Variants in SNX30 observed in about 807,000 individuals in gnomAD.
SNX30 encodes the protein sorting nexin family member 30, also known as sorting nexin-30.
Under a neutral mutation model 46.4 loss-of-function variants are expected in SNX30, and 24 were observed. The observed-to-expected ratio is 0.52, with a 90% CI of 0.37 to 0.73. The LOEUF is 0.73. SNX30 is among the 30% of genes least tolerant of loss of function. The pLI, the probability that SNX30 is intolerant of heterozygous loss-of-function variation, is 0.00. For synonymous variants in SNX30, 189 were observed against 211.5 expected (o/e 0.89, Z 0.92); for missense variants, 533 against 555.7 (o/e 0.96, Z 0.41).
intron 3 of SNX30, among the ~76,000 whole-genome samples, chr9:112,827,301 G>A (rs972176581): frequency 1.3e-5 from 2 of 152,166 alleles, no homozygotes; most frequent in African/African-American, 4.8e-5. Flanking sequence ...TGACAACCCT[G>A]TGAAGTTGAT....
chr9:112,812,342 G>A (rs1840333231), intron 2 of SNX30, among the ~76,000 whole-genome samples: 1 of 151,946 alleles, frequency 6.6e-6, no homozygotes, highest in Non-Finnish European at 1.5e-5. Context: ...TGCAACCTCC[G>A]CCTCCCAGAT....
intron 6 of SNX30, among the ~76,000 whole-genome samples, chr9:112,841,395 C>T (rs1840855610): frequency 6.6e-6 from 1 of 152,182 alleles, no homozygotes; most frequent in East Asian, 1.9e-4. Flanking sequence ...TCTTTCTTTA[C>T]CCCCCATGTG....
chr9:112,762,273 G>A (rs1839451842), intron 1 of SNX30, among the ~76,000 whole-genome samples: 1 of 152,048 alleles, frequency 6.6e-6, no homozygotes, highest in South Asian at 2.1e-4. Context: ...AAGGTGTTTG[G>A]GGGTTCCTGC....
At chr9:112,780,954 T>G (rs554119467) in intron 1 of SNX30, among the ~76,000 whole-genome samples, 1 of 152,316 alleles carries the variant, frequency 6.6e-6, no homozygotes, top group South Asian at 2.1e-4. Flanking sequence ...ACATTTTCTC[T>G]TTAGCCAAGA....
chr9:112,790,514 C>A (rs372019587), intron 1 of SNX30, among the ~76,000 whole-genome samples: 2 of 152,242 alleles, frequency 1.3e-5, no homozygotes, highest in African/African-American at 4.8e-5. Context: ...TGGAAGCATG[C>A]GTTGGCTCTT....
At chr9:112,882,105 G>GTTGTTT, downstream of SNX30, among the ~76,000 whole-genome samples, 1 of 152,092 alleles carries the variant, frequency 6.6e-6, no homozygotes, top group East Asian at 1.9e-4. Context: ...TTTTGTTGTT[G>GTTGTTT]TTGTTTTTGT....
intron 1 of SNX30, among the ~76,000 whole-genome samples, chr9:112,764,556 A>G (rs62576371): frequency 0.068 from 10,358 of 152,024 alleles, 455 homozygotes; most frequent in Non-Finnish European, 0.099. Flanking sequence ...TTTTCATTCC[A>G]ATCAAGTGTT....
At chr9:112,823,195 A>G (rs1840532469) in intron 3 of SNX30, among the ~76,000 whole-genome samples, 1 of 152,218 alleles carries the variant, frequency 6.6e-6, no homozygotes, top group Non-Finnish European at 1.5e-5. Context: ...GTGTGTATAT[A>G]TAGGAAAAAC....
chr9:112,879,752 G>A (rs766059947), downstream of SNX30: 3 of 1,611,116 alleles, frequency 1.9e-6, no homozygotes, highest in South Asian at 3.3e-5. Flanking sequence ...GTTCCTGCAG[G>A]TAAGCATCTT....
chr9:112,817,629 A>G (rs1038258389), intron 2 of SNX30, 76 bp from the exon 3 acceptor site: 1 of 854,138 alleles, frequency 1.2e-6, no homozygotes, highest in Non-Finnish European at 2.0e-6. Context: ...TGGTTATTCT[A>G]AGAGCTTTTT....
At chr9:112,782,324 C>T (rs1177033983) in intron 1 of SNX30, among the ~76,000 whole-genome samples, 2 of 152,202 alleles carry the variant, frequency 1.3e-5, no homozygotes, top group African/African-American at 4.8e-5. Context: ...CCTCAGCTTC[C>T]TAAAGTGCTG....
At chr9:112,860,475 G>T (rs1168814948) in intron 7 of SNX30, among the ~76,000 whole-genome samples, 1 of 152,130 alleles carries the variant, frequency 6.6e-6, no homozygotes, top group Non-Finnish European at 1.5e-5. Flanking sequence ...TGCCACCCTA[G>T]TCATCCAGAC....
chr9:112,809,470 G>A (rs892958422), intron 2 of SNX30, among the ~76,000 whole-genome samples: 7 of 152,208 alleles, frequency 4.6e-5, no homozygotes, highest in African/African-American at 1.7e-4. Context: ...TGACAATACA[G>A]AAGTAGGCTT....
intron 1 of SNX30, among the ~76,000 whole-genome samples, chr9:112,775,772 A>G (rs1048806992): frequency 2.1e-5 from 3 of 144,354 alleles, no homozygotes; most frequent in African/African-American, 5.2e-5. Context: ...AAAAATGCCT[A>G]TGTGTAGTCT....
At chr9:112,841,562 G>A (rs763795656) in intron 6 of SNX30, among the ~76,000 whole-genome samples, 3 of 152,170 alleles carry the variant, frequency 2.0e-5, no homozygotes, top group African/African-American at 4.8e-5. Context: ...CTCTATCCCC[G>A]ATAGTAGCTG....
intron 1 of SNX30, among the ~76,000 whole-genome samples, chr9:112,756,100 C>A (rs963017200): frequency 6.6e-6 from 1 of 152,036 alleles, no homozygotes; most frequent in African/African-American, 2.4e-5. Flanking sequence ...AGTTTAAAGA[C>A]TAATAAAATG....
intron 3 of SNX30, among the ~76,000 whole-genome samples, chr9:112,825,362 A>G (rs1229242099): frequency 6.6e-6 from 1 of 152,142 alleles, no homozygotes; most frequent in African/African-American, 2.4e-5. Flanking sequence ...TGGCATGACC[A>G]TAGCTTACTG....
intron 6 of SNX30, among the ~76,000 whole-genome samples, chr9:112,850,388 T>G (rs918603326): frequency 4.6e-5 from 7 of 152,222 alleles, no homozygotes; most frequent in Admixed American, 1.3e-4. Context: ...AATGAATGAA[T>G]CATTGAACAG....
chr9:112,751,359 C>T (rs544647486), intron 1 of SNX30, among the ~76,000 whole-genome samples: 8 of 152,312 alleles, frequency 5.3e-5, no homozygotes, highest in African/African-American at 1.9e-4. Flanking sequence ...GGACAGGCTT[C>T]GCTGCCTGTG....
Sources: gnomAD v4.1 joint callset for allele counts (sites outside exome capture counted in the v4.1 genomes callset) on GRCh38, gnomAD v4.1.1 for gene constraint, MANE v1.5 for transcripts, NCBI Gene and HGNC (gene_info 2026-07-23, HGNC 2026-07-21) for gene names.